Variants in EPRS1 observed in about 807,000 individuals in gnomAD.
EPRS1 encodes glutamyl-prolyl-tRNA synthetase 1, also known as bifunctional glutamate/proline--tRNA ligase.
Under a neutral mutation model 188.3 loss-of-function variants are expected in EPRS1, and 107 were observed. The ratio of observed to expected loss-of-function variants is 0.57; its 90% CI spans 0.49 to 0.67. The LOEUF is 0.67. EPRS1 is among the 30% of genes least tolerant of loss of function. EPRS1 has a pLI of 0.00. For missense variants in EPRS1, 1,577 were observed against 1,802.2 expected, an observed-to-expected ratio of 0.88 and a Z score of 2.26; for synonymous variants, 596 against 593.1, an observed-to-expected ratio of 1.00 and a Z score of -0.07.
rs114313170 is a variant in EPRS1 at position 220,041,416 on chromosome 1, T to C, written c.47-1147A>G. ...AAGGAGTTAAATAACCAGCCTAATG[T>C]CCTTGACAAAATATATAGCAGTCAG... is the stretch of plus-strand genomic sequence containing the variant. On this transcript the variant is annotated intron_variant, in intron 1 of 31. Coordinates refer to ENST00000366923, the MANE Select transcript of EPRS1 (RefSeq NM_004446.3). 3.9e-3 allele frequency among the ~76,000 whole-genome samples: 601 copies of C among 152,302 alleles called. 5 individuals are homozygous for C. The highest frequency in any genetic ancestry group is 0.014 in the African/African-American group (566 of 41,554).
Position 220,032,501 on chromosome 1 carries a change from C to T in EPRS1, c.414G>A (p.Leu138=), listed in dbSNP as rs1488976322. The T allele has an allele frequency of 6.2e-7, 1 of 1,613,426 alleles. No individual in the cohort carries two copies. Among genetic ancestry groups the T allele is most frequent in the African/African-American group, 1.3e-5 (1 of 74,854 alleles). Residue 138 remains leucine (L), a synonymous_variant, in exon 5 of 32, where the codon TTG becomes TTA. Transcript: ENST00000366923. Reference sequence around the variant, plus strand: ...CATGAACTGGAGCTTTCTTCTGTTTCAACTGTTCTTGCCAGGCAGCATTTC... The same window carrying T: ...CATGAACTGGAGCTTTCTTCTGTTTTAACTGTTCTTGCCAGGCAGCATTTC... ...LKGNAAWQEQ[L]KQKKAPVHVK...
At chr1:219,989,931 C>A (rs1661086502) in intron 18 of EPRS1, among the ~76,000 whole-genome samples, 1 of 151,926 alleles carries the variant, frequency 6.6e-6, no homozygotes, top group Non-Finnish European at 1.5e-5. Context: ...CCAAGTTAAT[C>A]AGACATATGA....
Position 219,979,553 on chromosome 1 carries a change from A to C in EPRS1, c.3774T>G (p.Asp1258Glu). The C allele has an allele frequency of 4.3e-6, 7 of 1,614,004 alleles. No homozygotes were observed. The highest frequency in any genetic ancestry group is 5.9e-6 in the Non-Finnish European group (7 of 1,179,940). The stretch of plus-strand genomic sequence containing the variant: ...ATTGCTTCTCTCCTGGTATCTTTGG[A>C]TCTTCAAAAACGATTTCAAACATTT... ...FSKMFEIVFEDPKIPGEKQFA... is the reference protein window; with the variant it reads ...FSKMFEIVFEEPKIPGEKQFA... The change falls in exon 27 of 32, where the codon GAT becomes GAG. Residue 1258 changes from aspartate to glutamate, a missense_variant. Asp to Glu is a conservative substitution (Grantham distance 45). Transcript: ENST00000366923.
At chr1:220,021,737 A>G (rs746735851) in intron 9 of EPRS1, among the ~76,000 whole-genome samples, 2 of 152,268 alleles carry the variant, frequency 1.3e-5, no homozygotes, top group Non-Finnish European at 2.9e-5. Flanking sequence ...AGTAAGTCAC[A>G]TCAGCTAACC....
intron 27 of EPRS1, 43 bp from the exon 28 acceptor site, chr1:219,978,762 T>C: frequency 1.3e-6 from 2 of 1,504,782 alleles, no homozygotes; most frequent in Non-Finnish European, 1.8e-6. Flanking sequence ...AAGAAACAGA[T>C]ATAGAAGTAA....
At chr1:219,975,611 AT>A (rs1558269686) in intron 28 of EPRS1, among the ~76,000 whole-genome samples, 1 of 151,980 alleles carries the variant, frequency 6.6e-6, no homozygotes, top group Non-Finnish European at 1.5e-5. Flanking sequence ...TAATTTTTCT[AT>A]TTTTAGCAGA....
rs566904713 is a variant in EPRS1, at chr1:220,034,382, T to C, written c.231+532A>G. ...TTTAGGTTTTTGTAGGTACACTCTA[T>C]GATGTTGACAGAATGATGAAACTGC... On this transcript the variant is annotated intron_variant, in intron 3 of 31. Coordinates refer to ENST00000366923, the MANE Select transcript of EPRS1 (RefSeq NM_004446.3). Among the ~76,000 whole-genome samples the C allele has an allele frequency of 3.3e-5, 5 of 152,296 alleles. No homozygotes were observed. The East Asian group carries it at 9.6e-4, about 29-fold the overall frequency.
chr1:219,972,421 C>A (rs1660686752), intron 29 of EPRS1, among the ~76,000 whole-genome samples: 1 of 152,162 alleles, frequency 6.6e-6, no homozygotes, highest in African/African-American at 2.4e-5. Flanking sequence ...GACCATCATT[C>A]TTTTCCTGGC....
chr1:220,018,310 A>G (rs1661779683), intron 12 of EPRS1, 139 bp downstream of exon 12: 1 of 932,536 alleles, frequency 1.1e-6, no homozygotes. Context: ...AAAGGAAAAC[A>G]TTCCATTTTC....
intron 18 of EPRS1, 84 bp from the exon 19 acceptor site, chr1:219,988,907 C>CGGCCGGGCGCGGT: frequency 1.3e-6 from 1 of 784,444 alleles, no homozygotes; most frequent in Admixed American, 2.7e-5. Context: ...CTTTAATTAT[C>CGGCCGGGCGCGGT]AGCAAATCAT....
chr1:220,009,466 T>G (rs1238656767), intron 13 of EPRS1, among the ~76,000 whole-genome samples: 1 of 151,976 alleles, frequency 6.6e-6, no homozygotes, highest in Non-Finnish European at 1.5e-5. Context: ...GGCAACATGG[T>G]GAAACCCTGC....
At position 219,987,112 on chromosome 1, in the gene EPRS1, G is replaced by T. The variant is rs764015219; in HGVS notation, c.3038+30C>A. Reference sequence around the variant, plus strand: ...AAGAATTGAATTAATTCACTGCTTTGCTTCAAATGAAGTTTCTGCGATTCA... The same window carrying T: ...AAGAATTGAATTAATTCACTGCTTTTCTTCAAATGAAGTTTCTGCGATTCA... On this transcript the variant is annotated intron_variant, in intron 20 of 31. Transcript: ENST00000366923. 1.1e-5 allele frequency: 18 copies of T among 1,585,030 alleles called. No homozygotes were observed. In the East Asian group the frequency reaches 4.0e-4, roughly 35 times the overall value.
In EPRS1 at chr1:220,004,887, T is replaced by G. The variant is rs1661429212; in HGVS notation, c.2063+361A>C. On this transcript the variant is annotated intron_variant, in intron 16 of 31. Transcript: ENST00000366923. ...TTCTTCCCTCTAAATGTATGCTGTT[T>G]GTACCATTTATCTAGTGAAAATACA... is the stretch of plus-strand genomic sequence containing the variant. Among the ~76,000 whole-genome samples, 4 of 152,122 alleles carry G rather than the reference T, an allele frequency of 2.6e-5. No individual in the cohort carries two copies. In the South Asian group the frequency reaches 8.3e-4, roughly 32 times the overall value.
In EPRS1 at chr1:220,024,506, G is replaced by A. The variant is rs371163895; in HGVS notation, c.751-50C>T. On this transcript the variant is annotated intron_variant, in intron 7 of 31. Coordinates refer to ENST00000366923, the MANE Select transcript of EPRS1 (RefSeq NM_004446.3). The stretch of plus-strand genomic sequence containing the variant: ...ATCAGTATATCTTTTGCATTTTTTC[G>A]TGCATTTTCAACCCTTGATACTGCA... 3.8e-5 allele frequency: 52 copies of A among 1,385,120 alleles called. No individual in the cohort carries two copies. In the African/African-American group the frequency reaches 4.2e-4, roughly 11 times the overall value. 85.8% of individuals were successfully genotyped at this position (1,385,120 alleles called of 1,614,324 possible).
chr1:220,024,573 G>A, intron 7 of EPRS1, 117 bp from the exon 8 acceptor site: 1 of 636,056 alleles, frequency 1.6e-6, no homozygotes, highest in Non-Finnish European at 2.6e-6. Context: ...TATTTAGCCT[G>A]AAAATGGTTG....
Position 220,006,226 on chromosome 1 carries a change from A to G in EPRS1, c.1830T>C (p.Leu610=). 1 of 1,604,414 alleles carries G rather than the reference A, an allele frequency of 6.2e-7. No individual in the cohort carries two copies. The highest frequency in any genetic ancestry group is 8.5e-7 in the Non-Finnish European group (1 of 1,174,172). ...DYKKTTKVTW[L]AETTHALPIP... ...TAGGAAGAGCATGTGTAGTCTCTGC[A>G]AGCCAAGTGACCTTAGTGGTTTTCT... Residue 610 remains leucine, a synonymous_variant, in exon 15 of 32, where the codon CTT becomes CTC. Coordinates refer to ENST00000366923, the MANE Select transcript of EPRS1 (RefSeq NM_004446.3).
At position 219,979,555 on chromosome 1, in the gene EPRS1, CT is replaced by C; in HGVS notation, c.3771del (p.Asp1258IlefsTer18). 6.2e-7 allele frequency: 1 copy of C among 1,613,950 alleles called. No individual in the cohort carries two copies. Among genetic ancestry groups the C allele is most frequent in the Non-Finnish European group, 8.5e-7 (1 of 1,179,924 alleles). ...TGCTTCTCTCCTGGTATCTTTGGAT[CT>C]TCAAAAACGATTTCAAACATTTTGG... ...NFSKMFEIVF[E>X]DPKIPGEKQF... On this transcript the variant is annotated frameshift_variant, in exon 27 of 32. Coordinates refer to ENST00000366923, the MANE Select transcript of EPRS1 (RefSeq NM_004446.3). LOFTEE classifies it high-confidence loss of function.
intron 12 of EPRS1, among the ~76,000 whole-genome samples, chr1:220,017,862 A>G (rs928780220): frequency 6.6e-5 from 10 of 152,188 alleles, no homozygotes; most frequent in African/African-American, 9.7e-5. Context: ...ATACAACTCA[A>G]TGAAATACAT....
At position 220,040,179 on chromosome 1, in the gene EPRS1, A is replaced by C; in HGVS notation, c.131+6T>G. The C allele has an allele frequency of 6.4e-7, 1 of 1,568,514 alleles. No homozygotes were observed. Among genetic ancestry groups the C allele is most frequent in the Non-Finnish European group, 8.7e-7 (1 of 1,144,836 alleles). The stretch of plus-strand genomic sequence containing the variant: ...GTACTGAAAATAAAAAGATGAAAAC[A>C]CTTACTCAGAAACATGAAGAATATT... On this transcript the variant is annotated splice_donor_region_variant and intron_variant, in intron 2 of 31. Transcript: ENST00000366923.
Sources: allele counts gnomAD v4.1 joint callset (sites outside exome capture counted in the v4.1 genomes callset), GRCh38; gene constraint gnomAD v4.1.1; transcripts MANE v1.5; gene names NCBI Gene and HGNC (gene_info 2026-07-23, HGNC 2026-07-21).